JAZF1: variants seen among roughly 807,000 people sequenced by gnomAD.
JAZF1 encodes the protein JAZF zinc finger 1, also known as juxtaposed with another zinc finger protein 1.
JAZF1 carries 8 observed loss-of-function variants against 26.4 expected under a neutral mutation model. The ratio of observed to expected loss-of-function variants is 0.30; its 90% CI spans 0.18 to 0.55. The LOEUF (loss-of-function observed/expected upper bound fraction) is 0.55. Among genes scored for constraint, JAZF1 ranks in the 20% least tolerant of loss-of-function variants. The pLI is 0.94. For synonymous variants in JAZF1, 126 were observed against 122.3 expected (o/e 1.03, Z -0.20); for missense variants, 199 against 322.0 (o/e 0.62, Z 2.92).
chr7:27,885,809 T>G (rs1198675023), intron 3 of JAZF1, among the ~76,000 whole-genome samples: 1 of 152,178 alleles, frequency 6.6e-6, no homozygotes, highest in Non-Finnish European at 1.5e-5. Context: ...CCACCTGTAA[T>G]GCACATTCCT....
intron 3 of JAZF1, among the ~76,000 whole-genome samples, chr7:27,872,752 G>T (rs1379328218): frequency 1.3e-5 from 2 of 152,084 alleles, no homozygotes; most frequent in South Asian, 2.1e-4. Context: ...AAATGCGGAG[G>T]CTCCTTATTG....
At chr7:27,923,586 G>A (rs937579305) in intron 2 of JAZF1, among the ~76,000 whole-genome samples, 1 of 152,206 alleles carries the variant, frequency 6.6e-6, no homozygotes, top group Non-Finnish European at 1.5e-5. Context: ...GGCTGCCAAC[G>A]GATGGGAGCA....
At chr7:28,038,193 G>A (rs1783326882) in intron 1 of JAZF1, among the ~76,000 whole-genome samples, 1 of 152,120 alleles carries the variant, frequency 6.6e-6, no homozygotes, top group Non-Finnish European at 1.5e-5. Flanking sequence ...CCTATTTTTG[G>A]CAAGGTAAAT....
chr7:28,028,632 T>C (rs959127378), intron 1 of JAZF1, among the ~76,000 whole-genome samples: 9 of 152,208 alleles, frequency 5.9e-5, no homozygotes, highest in Non-Finnish European at 1.2e-4. Context: ...CAAGAGTCAA[T>C]TGTCACGAAT....
intron 1 of JAZF1, among the ~76,000 whole-genome samples, chr7:28,143,724 G>T (rs977428961): frequency 4.6e-5 from 7 of 152,192 alleles, no homozygotes; most frequent in Admixed American, 1.3e-4. Context: ...TCCATAAAAG[G>T]AATTTATGGT....
At chr7:28,129,153 T>G (rs1308092229) in intron 1 of JAZF1, among the ~76,000 whole-genome samples, 2 of 152,028 alleles carry the variant, frequency 1.3e-5, no homozygotes, top group African/African-American at 4.8e-5. Flanking sequence ...AAGAAGACCC[T>G]CTGTGAATAC....
rs1783511751 is a variant in JAZF1, at chr7:28,173,957, C to A, written c.115+6506G>T. 2.2e-5 allele frequency among the ~76,000 whole-genome samples: 3 copies of A among 138,950 alleles called. No individual in the cohort carries two copies. In the Admixed American group the frequency reaches 2.2e-4, roughly 10 times the overall value. The allele number at this position is 138,950 out of a possible 152,430, so 91.2% of individuals were successfully genotyped here. ...CAGTGCTTACAGCGAGGGGAAAATA[C>A]AATTTTCTTTACAGCAATTAAATAT... On this transcript the variant is annotated intron_variant, in intron 1 of 4. Coordinates refer to ENST00000283928, the MANE Select transcript of JAZF1 (RefSeq NM_175061.4).
intron 1 of JAZF1, among the ~76,000 whole-genome samples, chr7:28,023,342 T>G (rs1307788409): frequency 6.6e-6 from 1 of 152,204 alleles, no homozygotes; most frequent in Admixed American, 6.5e-5. Context: ...AAAGCTGAGC[T>G]CCCACAAAAG....
At chr7:27,940,456 C>T (rs1308002372) in intron 2 of JAZF1, among the ~76,000 whole-genome samples, 1 of 152,198 alleles carries the variant, frequency 6.6e-6, no homozygotes, top group Non-Finnish European at 1.5e-5. Context: ...ATACACAGCA[C>T]ACACACATGC....
At chr7:28,030,480 AC>A (rs1455488427) in intron 1 of JAZF1, among the ~76,000 whole-genome samples, 5 of 152,126 alleles carry the variant, frequency 3.3e-5, no homozygotes, top group Non-Finnish European at 7.4e-5. Context: ...GACCAGGTAA[AC>A]CTCCATGGTA....
chr7:27,967,884 C>T (rs1333719140), intron 2 of JAZF1, among the ~76,000 whole-genome samples: 1 of 152,180 alleles, frequency 6.6e-6, no homozygotes, highest in African/African-American at 2.4e-5. Context: ...TGTGGTCCCA[C>T]CATTTTATTT....
chr7:28,051,649 C>T (rs1465886083), intron 1 of JAZF1, among the ~76,000 whole-genome samples: 4 of 152,066 alleles, frequency 2.6e-5, no homozygotes, highest in Non-Finnish European at 5.9e-5. Context: ...ATAACCAAGG[C>T]GTCTCCCCAA....
intron 1 of JAZF1, among the ~76,000 whole-genome samples, chr7:28,069,640 A>G (rs1783943005): frequency 6.6e-6 from 1 of 152,190 alleles, no homozygotes. Context: ...TCCATGCCCA[A>G]CTTGGAACAT....
intron 1 of JAZF1, among the ~76,000 whole-genome samples, chr7:28,018,978 G>A (rs916133169): frequency 1.3e-5 from 2 of 152,160 alleles, no homozygotes; most frequent in Non-Finnish European, 2.9e-5. Flanking sequence ...TCCTGTTCTT[G>A]AAGAAGCCTG....
chr7:28,100,555 C>T (rs1376266681), intron 1 of JAZF1, among the ~76,000 whole-genome samples: 1 of 152,080 alleles, frequency 6.6e-6, no homozygotes, highest in Non-Finnish European at 1.5e-5. Context: ...CGTGATTCTG[C>T]AAGTTTAATT....
intron 2 of JAZF1, chr7:27,913,390 A>G: frequency 2.2e-6 from 1 of 460,834 alleles, no homozygotes; most frequent in Non-Finnish European, 4.5e-6. Flanking sequence ...AGAAGGCCAT[A>G]CCTTTTGGAC....
chr7:28,148,050 T>C (rs1251063883), intron 1 of JAZF1, among the ~76,000 whole-genome samples: 1 of 150,062 alleles, frequency 6.7e-6, no homozygotes, highest in Non-Finnish European at 1.5e-5. Flanking sequence ...TATAATGTGG[T>C]ATGTCACTTT....
chr7:28,133,980 C>T (rs1562598492), intron 1 of JAZF1, among the ~76,000 whole-genome samples: 3 of 152,274 alleles, frequency 2.0e-5, no homozygotes, highest in South Asian at 2.1e-4. Flanking sequence ...GCACTTAGGC[C>T]TATAAGAAAC....
At chr7:28,149,918 G>A (rs1192988427) in intron 1 of JAZF1, among the ~76,000 whole-genome samples, 2 of 152,160 alleles carry the variant, frequency 1.3e-5, no homozygotes, top group Non-Finnish European at 2.9e-5. Flanking sequence ...CTTCTGGCAG[G>A]AGCCTCAGCA....
Sources: allele counts gnomAD v4.1 joint callset (sites outside exome capture counted in the v4.1 genomes callset), GRCh38; gene constraint gnomAD v4.1.1; transcripts MANE v1.5; gene names NCBI Gene and HGNC (gene_info 2026-07-23, HGNC 2026-07-21).